The following KLHL6 variants were observed in gnomAD, a reference collection of about 807,000 sequenced individuals.
The protein encoded by KLHL6 is kelch-like protein 6.
KLHL6 carries 41 observed loss-of-function variants against 58.6 expected under a neutral mutation model. The observed-to-expected ratio is 0.70, with a 90% CI of 0.55 to 0.91. The LOEUF is 0.91. Ranked by LOEUF, KLHL6 falls within the 40% of genes least tolerant of loss-of-function variation. The probability of loss-of-function intolerance (pLI) is 0.00; values close to 1 mark genes in which losing one functional copy is unlikely to be tolerated. For synonymous variants in KLHL6, 338 were observed against 322.7 expected (o/e 1.05, Z -0.51); for missense variants, 714 against 805.6 (o/e 0.89, Z 1.38).
intron 1 of KLHL6, among the ~76,000 whole-genome samples, chr3:183,536,028 G>T (rs150036513): frequency 6.6e-6 from 1 of 152,110 alleles, no homozygotes; most frequent in Non-Finnish European, 1.5e-5. Context: ...CCCCCCTCGG[G>T]CTCCCAAAGT....
intron 1 of KLHL6, chr3:183,548,636 A>G (rs995791363): frequency 2.6e-5 from 4 of 152,230 alleles, no homozygotes; most frequent in African/African-American, 9.6e-5. Flanking sequence ...TCATTATTAC[A>G]TATTAACCAA....
intron 1 of KLHL6, among the ~76,000 whole-genome samples, chr3:183,529,907 A>G (rs1712102276): frequency 6.6e-6 from 1 of 152,078 alleles, no homozygotes; most frequent in Admixed American, 6.6e-5. Context: ...ATCGGATAGG[A>G]TTGATGTTCT....
intron 2 of KLHL6, among the ~76,000 whole-genome samples, chr3:183,509,422 T>C (rs1718115616): frequency 6.6e-6 from 1 of 152,188 alleles, no homozygotes. Flanking sequence ...AAAGAAAACA[T>C]ACACAGAATA....
chr3:183,505,224 T>C (rs1485541294), intron 3 of KLHL6, among the ~76,000 whole-genome samples: 1 of 152,216 alleles, frequency 6.6e-6, no homozygotes, highest in African/African-American at 2.4e-5. Flanking sequence ...CCTTCATTTG[T>C]TAAATGTCCC....
intron 1 of KLHL6, among the ~76,000 whole-genome samples, chr3:183,550,670 C>T (rs1000330986): frequency 6.8e-6 from 1 of 147,962 alleles, no homozygotes; most frequent in Admixed American, 6.6e-5. Context: ...GGTGGTACAT[C>T]CTGTGGTCCC....
At chr3:183,527,787 G>C (rs1430513619) in intron 2 of KLHL6, 58 bp downstream of exon 2, 25 of 1,559,576 alleles carry the variant, frequency 1.6e-5, no homozygotes, top group Non-Finnish European at 2.0e-5. Flanking sequence ...CTGGCCTCTG[G>C]AGAATTACTG....
chr3:183,542,538 G>A lies in KLHL6; in HGVS notation c.293+12823C>T, dbSNP rs549073743. Among the ~76,000 whole-genome samples the A allele has an allele frequency of 6.6e-5, 10 of 151,970 alleles. No homozygotes were observed. In the East Asian group the frequency reaches 1.4e-3, roughly 21 times the overall value. ...ATGCCTACTCATCCTTCAAAACTCC[G>A]TTCAGATATCACCTCTGCCAGGAAG... On this transcript the variant is annotated intron_variant, in intron 1 of 6. Transcript: ENST00000341319.
intron 4 of KLHL6, among the ~76,000 whole-genome samples, chr3:183,498,723 C>A (rs578091524): frequency 6.6e-6 from 1 of 152,338 alleles, no homozygotes; most frequent in Non-Finnish European, 1.5e-5. Flanking sequence ...ACCCCGAGGT[C>A]AGGCACAGTG....
chr3:183,549,650 A>G (rs1712844239), intron 1 of KLHL6, among the ~76,000 whole-genome samples: 1 of 152,228 alleles, frequency 6.6e-6, no homozygotes, highest in African/African-American at 2.4e-5. Context: ...CTGGGACTAC[A>G]GGCATGTGCC....
At chr3:183,502,908 G>A (rs1487503765) in intron 3 of KLHL6, among the ~76,000 whole-genome samples, 1 of 152,166 alleles carries the variant, frequency 6.6e-6, no homozygotes, top group Non-Finnish European at 1.5e-5. Context: ...TAGCTGATGG[G>A]CTTGGCTAGG....
chr3:183,495,203 T>C (rs1717681897), intron 4 of KLHL6, among the ~76,000 whole-genome samples: 2 of 152,236 alleles, frequency 1.3e-5, no homozygotes, highest in Admixed American at 6.5e-5. Context: ...GTCAAAGCCA[T>C]GTGCACCCTG....
At chr3:183,543,625 T>A (rs1712624701) in intron 1 of KLHL6, among the ~76,000 whole-genome samples, 1 of 151,672 alleles carries the variant, frequency 6.6e-6, no homozygotes, top group Admixed American at 6.5e-5. Flanking sequence ...AGTTATCCAC[T>A]GGGCCTCCAC....
Position 183,490,067 on chromosome 3 carries a change from A to G in KLHL6, c.*1860T>C, listed in dbSNP as rs781640260. On this transcript the variant is annotated 3_prime_UTR_variant, in exon 7 of 7. Transcript: ENST00000341319. ...TTTTAAATACAGCATATGAAACAGG[A>G]TCTCTTAACCTGTTTCTCCAGCTTG... 6.6e-6 allele frequency: 1 copy of G among 152,218 alleles called. No homozygotes were observed. Among genetic ancestry groups the G allele is most frequent in the African/African-American group, 2.4e-5 (1 of 41,452 alleles). The allele number at this position is 152,218 out of a possible 1,614,324, so 9.4% of individuals were successfully genotyped here. A position where few individuals can be genotyped will look rare whatever the true frequency, so the allele number is the denominator to read the frequency against.
chr3:183,506,903 C>T (rs1718025340), intron 3 of KLHL6, among the ~76,000 whole-genome samples: 1 of 151,644 alleles, frequency 6.6e-6, no homozygotes, highest in South Asian at 2.1e-4. Flanking sequence ...GAAAGTGATG[C>T]TTGGACTGAG....
rs1717826664 is a variant in KLHL6, at chr3:183,499,934, G to C, written c.910-107C>G. 1.4e-6 allele frequency: 1 copy of C among 716,904 alleles called. No individual in the cohort carries two copies. Among genetic ancestry groups the C allele is most frequent in the Non-Finnish European group, 2.2e-6 (1 of 451,084 alleles). The allele number at this position is 716,904 out of a possible 1,614,324, so 44.4% of individuals were successfully genotyped here. On this transcript the variant is annotated intron_variant, in intron 3 of 6. Coordinates refer to ENST00000341319, the MANE Select transcript of KLHL6 (RefSeq NM_130446.4). The surrounding 1 kb of genome is among the most constrained non-coding windows in gnomAD (Gnocchi z 4.6). ...CCAATTCCCATATCTGCCACGGTAT[G>C]ACCATGTGACTTCACCTCCCTGAGC... is the stretch of plus-strand genomic sequence containing the variant.
At chr3:183,510,765 T>C (rs1378006560) in intron 2 of KLHL6, among the ~76,000 whole-genome samples, 1 of 151,960 alleles carries the variant, frequency 6.6e-6, no homozygotes, top group Non-Finnish European at 1.5e-5. Flanking sequence ...TCCCAGCTAC[T>C]CAGGAGGCTG....
chr3:183,508,580 T>A, intron 2 of KLHL6, 72 bp from the exon 3 acceptor site: 1 of 1,414,414 alleles, frequency 7.1e-7, no homozygotes, highest in Non-Finnish European at 9.6e-7. Flanking sequence ...CAGTGAGTTA[T>A]GTGTATTAGC....
rs117391285 is a variant in KLHL6 at position 183,518,899 on chromosome 3, C to G, written c.459+8946G>C. The stretch of plus-strand genomic sequence containing the variant: ...GGAAGAGGGACAAGAGAGAGATTGT[C>G]TAACAACAGAGTGAGAAGCAGGGGT... On this transcript the variant is annotated intron_variant, in intron 2 of 6. Coordinates refer to ENST00000341319, the MANE Select transcript of KLHL6 (RefSeq NM_130446.4). Among the ~76,000 whole-genome samples the G allele has an allele frequency of 6.8e-4, 103 of 152,276 alleles. 1 individual carries two copies. In the East Asian group the frequency reaches 0.019, roughly 28 times the overall value.
At position 183,499,652 on chromosome 3, in the gene KLHL6, C is replaced by T. The variant is rs760993629; in HGVS notation, c.1085G>A (p.Ser362Asn). 3 of 1,610,518 alleles carry T rather than the reference C, an allele frequency of 1.9e-6. No individual in the cohort carries two copies. Among genetic ancestry groups the T allele is most frequent in the Non-Finnish European group, 2.5e-6 (3 of 1,178,516 alleles). Residue 362 changes from serine to asparagine, a missense_variant, in exon 4 of 7, where the codon AGT becomes AAT. Ser to Asn is a conservative substitution (Grantham distance 46). Around this residue, in one of 2 missense-constraint regions of KLHL6, gnomAD observed 510 missense variants for 629.7 expected, o/e 0.81. Coordinates refer to ENST00000341319, the MANE Select transcript of KLHL6 (RefSeq NM_130446.4). This position sits in a 1 kb window ranked among gnomAD's most constrained non-coding sequence, Gnocchi z 4.6. ...KLPLTEHELESENKKWVEFAC... is the reference protein window; with the variant it reads ...KLPLTEHELENENKKWVEFAC... ...AAACTCCACCCACTTCTTATTCTCA[C>T]TCTCCAGCTCATGCTCTGTTAGCGG...
Sources: allele counts gnomAD v4.1 joint callset (sites outside exome capture counted in the v4.1 genomes callset), GRCh38; gene constraint gnomAD v4.1.1; regional missense constraint gnomAD v4.1.1; non-coding constraint Gnocchi (gnomAD v3.1); transcripts MANE v1.5; gene names NCBI Gene and HGNC (gene_info 2026-07-23, HGNC 2026-07-21).